Variants in MIPOL1 observed in about 807,000 individuals in gnomAD.
MIPOL1 encodes the protein mirror-image polydactyly gene 1 protein.
MIPOL1 carries 57 observed loss-of-function variants against 60.9 expected under a neutral mutation model. That is an observed-to-expected ratio of 0.94 (90% CI 0.76 to 1.17). The LOEUF (loss-of-function observed/expected upper bound fraction) is 1.17. Ranked by LOEUF, MIPOL1 falls within the 50% of genes most tolerant of loss-of-function variation. The pLI is 0.00. For synonymous variants in MIPOL1, 179 were observed against 168.8 expected (o/e 1.06, Z -0.47); for missense variants, 551 against 511.6 (o/e 1.08, Z -0.74).
chr14:37,364,318 A>G (rs1211362165), intron 9 of MIPOL1, among the ~76,000 whole-genome samples: 1 of 152,200 alleles, frequency 6.6e-6, no homozygotes, highest in Non-Finnish European at 1.5e-5. Flanking sequence ...AATGTCCTAG[A>G]GATTTTCCCT....
chr14:37,533,172 T>A (rs1301614612), intron 12 of MIPOL1, among the ~76,000 whole-genome samples: 1 of 152,138 alleles, frequency 6.6e-6, no homozygotes, highest in African/African-American at 2.4e-5. Context: ...GAAAAATGAA[T>A]CACTCTTATT....
At chr14:37,511,189 C>T (rs1358079927) in intron 12 of MIPOL1, among the ~76,000 whole-genome samples, 1 of 152,154 alleles carries the variant, frequency 6.6e-6, no homozygotes, top group Non-Finnish European at 1.5e-5. Context: ...ATAGGCATAT[C>T]ATCACTTATA....
At chr14:37,273,481 T>C (rs2083439720) in intron 6 of MIPOL1, among the ~76,000 whole-genome samples, 2 of 151,262 alleles carry the variant, frequency 1.3e-5, no homozygotes, top group South Asian at 4.1e-4. Flanking sequence ...TTTGCCATTT[T>C]TTACCCACAC....
intron 12 of MIPOL1, among the ~76,000 whole-genome samples, chr14:37,530,646 G>A (rs752604289): frequency 6.6e-6 from 1 of 152,236 alleles, no homozygotes; most frequent in Admixed American, 6.5e-5. Flanking sequence ...AGATGTCAAG[G>A]CTGCAGTTTG....
intron 10 of MIPOL1, among the ~76,000 whole-genome samples, chr14:37,383,703 A>G (rs2092989419): frequency 6.6e-6 from 1 of 152,008 alleles, no homozygotes; most frequent in African/African-American, 2.4e-5. Flanking sequence ...TGAGTATTCT[A>G]AGATATATTA....
chr14:37,501,729 A>T (rs112636156), intron 12 of MIPOL1: 1 of 152,210 alleles, frequency 6.6e-6, no homozygotes, highest in African/African-American at 2.4e-5. Flanking sequence ...TACCTGGTTC[A>T]TCTCGTTGGG....
chr14:37,406,594 A>AT (rs2093591258), intron 10 of MIPOL1, among the ~76,000 whole-genome samples: 2 of 152,130 alleles, frequency 1.3e-5, no homozygotes, highest in Non-Finnish European at 2.9e-5. Context: ...AGTGAAAGGA[A>AT]TGTATCATGC....
intron 9 of MIPOL1, among the ~76,000 whole-genome samples, chr14:37,368,040 T>C (rs1054779262): frequency 5.3e-5 from 8 of 152,168 alleles, no homozygotes; most frequent in East Asian, 1.9e-4. Flanking sequence ...AAAAATGTGA[T>C]AGGTGAATTA....
chr14:37,523,494 C>A, intron 12 of MIPOL1: 1 of 420,768 alleles, frequency 2.4e-6, no homozygotes, highest in South Asian at 7.2e-5. Context: ...AAATCTATTT[C>A]ATTCCAAATA....
intron 9 of MIPOL1, among the ~76,000 whole-genome samples, chr14:37,360,282 T>G (rs556424865): frequency 6.6e-6 from 1 of 152,336 alleles, no homozygotes; most frequent in African/African-American, 2.4e-5. Flanking sequence ...TAAAATTCCC[T>G]TTTTTTGTTG....
At chr14:37,427,399 C>G (rs983545687) in intron 11 of MIPOL1, among the ~76,000 whole-genome samples, 1 of 151,818 alleles carries the variant, frequency 6.6e-6, no homozygotes, top group Non-Finnish European at 1.5e-5. Flanking sequence ...TAGAGGTTAC[C>G]CGGAGTTGGA....
At chr14:37,205,755 G>C (rs1486715057) in intron 1 of MIPOL1, among the ~76,000 whole-genome samples, 3 of 152,122 alleles carry the variant, frequency 2.0e-5, no homozygotes, top group Non-Finnish European at 4.4e-5. Flanking sequence ...TGCTCAGAAT[G>C]ATGGTTTCCA....
rs192116728 is a variant in MIPOL1 at position 37,429,711 on chromosome 14, A to G, written c.1031+6762A>G. Among the ~76,000 whole-genome samples, 6 of 152,212 alleles carry G rather than the reference A, an allele frequency of 3.9e-5. No homozygotes were observed. In the South Asian group the frequency reaches 6.2e-4, roughly 16 times the overall value. On this transcript the variant is annotated intron_variant, in intron 11 of 12. Transcript: ENST00000684589. The stretch of plus-strand genomic sequence containing the variant: ...AAAGTAAAATTCTTTATTTTTTTCT[A>G]TATTACTTTAGTAAATTTTATTCAG...
chr14:37,221,721 A>G (rs563241783), intron 1 of MIPOL1, among the ~76,000 whole-genome samples: 34 of 152,314 alleles, frequency 2.2e-4, no homozygotes, highest in Non-Finnish European at 4.0e-4. Flanking sequence ...GTCTGCTTCC[A>G]TGAACTAATT....
At chr14:37,380,093 A>G (rs771512338) in intron 10 of MIPOL1, among the ~76,000 whole-genome samples, 49 of 152,198 alleles carry the variant, frequency 3.2e-4, no homozygotes, top group Admixed American at 9.8e-4. Flanking sequence ...AAACCAAATG[A>G]TCATGAAGTA....
At chr14:37,317,025 T>G (rs930794748) in intron 9 of MIPOL1, among the ~76,000 whole-genome samples, 8 of 152,022 alleles carry the variant, frequency 5.3e-5, no homozygotes, top group Non-Finnish European at 2.9e-5. Flanking sequence ...TACCAAGTCC[T>G]GGAGTAGATG....
intron 1 of MIPOL1, among the ~76,000 whole-genome samples, chr14:37,198,835 C>G (rs925225803): frequency 2.0e-5 from 3 of 152,112 alleles, no homozygotes; most frequent in Admixed American, 6.5e-5. Flanking sequence ...AGGAGGTGTT[C>G]TTTTCTTCCC....
intron 10 of MIPOL1, among the ~76,000 whole-genome samples, chr14:37,422,366 G>A (rs2093888646): frequency 1.3e-5 from 2 of 151,844 alleles, no homozygotes; most frequent in Admixed American, 1.3e-4. Flanking sequence ...TCTGTAGCCT[G>A]CTGTATTTTT....
rs939774052 is a variant in MIPOL1 at position 37,463,208 on chromosome 14, A to C, written c.1032-36700A>C. On this transcript the variant is annotated intron_variant, in intron 11 of 12. Coordinates refer to ENST00000684589, the MANE Select transcript of MIPOL1 (RefSeq NM_001388067.1). Reference sequence around the variant, plus strand: ...AGGCTAAGAGAGAGCTTGTGTAAGCAAACTCCCATTTTTAAAACCATCAGA... The same window carrying C: ...AGGCTAAGAGAGAGCTTGTGTAAGCCAACTCCCATTTTTAAAACCATCAGA... Among the ~76,000 whole-genome samples the C allele has an allele frequency of 3.3e-5, 5 of 152,270 alleles. No homozygotes were observed. The East Asian group carries it at 9.7e-4, about 30-fold the overall frequency.
Sources: gnomAD v4.1 joint callset for allele counts (sites outside exome capture counted in the v4.1 genomes callset) on GRCh38, gnomAD v4.1.1 for gene constraint, MANE v1.5 for transcripts, NCBI Gene and HGNC (gene_info 2026-07-23, HGNC 2026-07-21) for gene names.